The following PTGS1 variants were observed in gnomAD, a reference collection of about 807,000 sequenced individuals.
PTGS1 encodes the protein prostaglandin-endoperoxide synthase 1.
PTGS1 carries 40 observed loss-of-function variants against 63.0 expected under a neutral mutation model. That is an observed-to-expected ratio of 0.63 (90% CI 0.49 to 0.83). PTGS1 has a LOEUF of 0.83. Among genes scored for constraint, PTGS1 ranks in the 40% least tolerant of loss-of-function variants. PTGS1 has a pLI of 0.00. For synonymous variants in PTGS1, 298 were observed against 301.9 expected (o/e 0.99, Z 0.13); for missense variants, 709 against 786.5 (o/e 0.90, Z 1.18).
chr9:122,390,491 G>A (rs1276728063), intron 10 of PTGS1, 146 bp downstream of exon 10: 2 of 1,013,540 alleles, frequency 2.0e-6, no homozygotes, highest in African/African-American at 3.3e-5. Context: ...CTGTGCCAGG[G>A]TGGTAAATAA....
At position 122,383,741 on chromosome 9, in the gene PTGS1, G is replaced by T; in HGVS notation, c.995G>T (p.Arg332Leu). 1 of 1,611,006 alleles carries T rather than the reference G, an allele frequency of 6.2e-7. No homozygotes were observed. The change falls in exon 8 of 11, where the codon CGC (arginine) becomes CTC (leucine). Residue 332 changes from arginine to leucine, a missense_variant. Physicochemically the swap from Arg to Leu is moderately radical, Grantham distance 102 (BLOSUM62 -2). Transcript: ENST00000362012. ...WGDEQLFQTT[R>L]LILIGETIKI... Reference sequence around the variant, plus strand: ...GATGAGCAGCTTTTCCAGACGACCCGCCTCATCCTCATAGGTGAGGACTCC... The same window carrying T: ...GATGAGCAGCTTTTCCAGACGACCCTCCTCATCCTCATAGGTGAGGACTCC...
rs201757936 is a variant in PTGS1 at position 122,393,872 on chromosome 9, C to T, written c.*1328C>T. On this transcript the variant is annotated 3_prime_UTR_variant, in exon 11 of 11. Transcript: ENST00000362012. ...ACAGAATGGTGGAGTGTAGCCTCCA[C>T]CTGATATTCAGGCTACTCATTCAGT... The T allele has an allele frequency of 1.3e-5, 2 of 152,156 alleles. No homozygotes were observed. Among genetic ancestry groups the T allele is most frequent in the South Asian group, 2.1e-4 (1 of 4,830 alleles). 9.4% of individuals were successfully genotyped at this position (152,156 alleles called of 1,614,324 possible). A position where few individuals can be genotyped will look rare whatever the true frequency, so the allele number is the denominator to read the frequency against.
At chr9:122,388,920 G>A (rs926921671) in intron 9 of PTGS1, among the ~76,000 whole-genome samples, 6 of 152,158 alleles carry the variant, frequency 3.9e-5, no homozygotes, top group African/African-American at 1.4e-4. Flanking sequence ...GATGCAGAGA[G>A]TTAGGGCTTC....
chr9:122,385,584 A>G lies in PTGS1; in HGVS notation c.1010-862A>G, dbSNP rs147334746. ...GCAGAGGAAAAACTTATTTATAAGA[A>G]TCCTGTTATATAAGAACATATAGGA... is the stretch of plus-strand genomic sequence containing the variant. On this transcript the variant is annotated intron_variant, in intron 8 of 10. Transcript: ENST00000362012. Among the ~76,000 whole-genome samples, 18 of 152,138 alleles carry G rather than the reference A, an allele frequency of 1.2e-4. No homozygotes were observed. The East Asian group carries it at 3.3e-3, about 28-fold the overall frequency.
chr9:122,381,509 C>G lies in PTGS1; in HGVS notation c.635C>G (p.Ser212Cys), dbSNP rs560833355. The change falls in exon 6 of 11, where the codon TCT (serine) becomes TGT (cysteine). Residue 212 changes from serine (S) to cysteine (C), a missense_variant. By Grantham distance (112) the Ser-to-Cys change is moderately radical. Transcript: ENST00000362012. ...TTCACCCACCAGTTCTTCAAAACTT[C>G]TGGCAAGATGGGTCCTGGCTTCACC... ...QHFTHQFFKT[S>C]GKMGPGFTKA... 6.2e-7 allele frequency: 1 copy of G among 1,614,198 alleles called. No individual in the cohort carries two copies. Among genetic ancestry groups the G allele is most frequent in the Admixed American group, 1.7e-5 (1 of 60,016 alleles).
intron 2 of PTGS1, chr9:122,375,420 G>C: frequency 1.0e-6 from 1 of 985,488 alleles, no homozygotes. Flanking sequence ...TGGAAGATGA[G>C]GGACTCCTTT....
chr9:122,376,300 C>T (rs1837150969), intron 2 of PTGS1, among the ~76,000 whole-genome samples: 2 of 150,318 alleles, frequency 1.3e-5, no homozygotes, highest in Admixed American at 6.6e-5. Flanking sequence ...GGGGAGTTGC[C>T]AGGGCTTAAG....
At chr9:122,373,896 T>C (rs1836957109) in intron 2 of PTGS1, among the ~76,000 whole-genome samples, 1 of 151,538 alleles carries the variant, frequency 6.6e-6, no homozygotes, top group Non-Finnish European at 1.5e-5. Flanking sequence ...CCCCAGAGAC[T>C]CTCTAAATAT....
chr9:122,372,393 T>A (rs755308029), intron 2 of PTGS1, among the ~76,000 whole-genome samples: 3 of 152,094 alleles, frequency 2.0e-5, no homozygotes, highest in Admixed American at 1.3e-4. Flanking sequence ...AAGTCTGGTT[T>A]ATGGGAAGAG....
intron 2 of PTGS1, chr9:122,375,536 A>C: frequency 1.1e-6 from 1 of 947,930 alleles, no homozygotes; most frequent in Non-Finnish European, 1.3e-6. Flanking sequence ...GTTAAGCCCC[A>C]ACTGTGTGCA....
In PTGS1 at chr9:122,386,566, C is replaced by G; in HGVS notation, c.1130C>G (p.Ala377Gly). Residue 377 changes from alanine (A) to glycine (G), a missense_variant, in exon 9 of 11, where the codon GCC becomes GGC. Ala to Gly is a moderately conservative substitution (Grantham distance 60). Coordinates refer to ENST00000362012, the MANE Select transcript of PTGS1 (RefSeq NM_000962.4). ...GVQFQYRNRI[A>G]MEFNHLYHWH... ...CAGTTCCAATACCGCAACCGCATTGCCATGGAGTTCAACCATCTCTACCAC... is the reference window on the plus strand; with the variant it reads ...CAGTTCCAATACCGCAACCGCATTGGCATGGAGTTCAACCATCTCTACCAC... 6.2e-7 allele frequency: 1 copy of G among 1,614,196 alleles called. No individual in the cohort carries two copies. Among genetic ancestry groups the G allele is most frequent in the Non-Finnish European group, 8.5e-7 (1 of 1,180,044 alleles).
intron 8 of PTGS1, among the ~76,000 whole-genome samples, chr9:122,385,239 T>C (rs1386036502): frequency 6.6e-6 from 1 of 152,206 alleles, no homozygotes; most frequent in African/African-American, 2.4e-5. Flanking sequence ...TTTATAGGCA[T>C]GAGCCACAGC....
At chr9:122,388,324 G>A (rs778390825) in intron 9 of PTGS1, among the ~76,000 whole-genome samples, 49 of 152,260 alleles carry the variant, frequency 3.2e-4, no homozygotes, top group Non-Finnish European at 6.9e-4. Flanking sequence ...GGGATTATAG[G>A]CGACTCTCAG....
Position 122,388,018 on chromosome 9 carries a change from T to C in PTGS1, c.1296+1286T>C, listed in dbSNP as rs575891102. On this transcript the variant is annotated intron_variant, in intron 9 of 10. Coordinates refer to ENST00000362012, the MANE Select transcript of PTGS1 (RefSeq NM_000962.4). Reference sequence around the variant, plus strand: ...GCTGCTGGCTGCTTTATGGCCTCTTTGTCGGTTTCTTTATGGTTCTTTGTG... The same window carrying C: ...GCTGCTGGCTGCTTTATGGCCTCTTCGTCGGTTTCTTTATGGTTCTTTGTG... Among the ~76,000 whole-genome samples the C allele has an allele frequency of 3.9e-5, 6 of 152,378 alleles. No homozygotes were observed. The East Asian group carries it at 9.6e-4, about 24-fold the overall frequency.
upstream of PTGS1, chr9:122,370,996 G>T (rs200130842): frequency 5.7e-5 from 87 of 1,522,838 alleles, no homozygotes; most frequent in Non-Finnish European, 6.7e-5. Flanking sequence ...GGGGAAGGGT[G>T]GGGAGGGGAT....
At chr9:122,391,795 A>G (rs1490063626) in intron 10 of PTGS1, among the ~76,000 whole-genome samples, 2 of 152,078 alleles carry the variant, frequency 1.3e-5, no homozygotes, top group African/African-American at 2.4e-5. Context: ...CTAGTAGTAA[A>G]AGGGCTTGGC....
At chr9:122,373,892 A>G (rs890469004) in intron 2 of PTGS1, among the ~76,000 whole-genome samples, 3 of 151,604 alleles carry the variant, frequency 2.0e-5, no homozygotes, top group African/African-American at 7.3e-5. Flanking sequence ...AGGTCCCCAG[A>G]GACTCTCTAA....
At chr9:122,381,889 T>A in intron 7 of PTGS1, 142 bp downstream of exon 7, 1 of 848,858 alleles carries the variant, frequency 1.2e-6, no homozygotes, top group Non-Finnish European at 1.9e-6. Context: ...AGCGACAGTA[T>A]ACGCTGGGAG....
chr9:122,381,447 AG>A lies in PTGS1; in HGVS notation c.575del (p.Gly192AlafsTer36). 1 of 1,614,194 alleles carries A rather than the reference AG, an allele frequency of 6.2e-7. No individual in the cohort carries two copies. The highest frequency in any genetic ancestry group is 2.2e-5 in the East Asian group (1 of 44,884). ...LRRKFIPDPQGTNLMFAFFAQ... is the reference protein window; with the variant it reads ...LRRKFIPDPQXTNLMFAFFAQ... ...GGAGGAAGTTCATACCTGACCCCCA[AG>A]GCACCAACCTCATGTTTGCCTTCTT... On this transcript the variant is annotated frameshift_variant, in exon 6 of 11. Transcript: ENST00000362012. LOFTEE classifies it high-confidence loss of function.
Sources: gnomAD v4.1 joint callset for allele counts (sites outside exome capture counted in the v4.1 genomes callset) on GRCh38, gnomAD v4.1.1 for gene constraint, MANE v1.5 for transcripts, NCBI Gene and HGNC (gene_info 2026-07-23, HGNC 2026-07-21) for gene names.